The following SMARCA4 variants were observed in gnomAD, a reference collection of about 807,000 sequenced individuals.
SMARCA4 encodes SWI/SNF related BAF chromatin remodeling complex subunit ATPase 4, also known as SWI/SNF-related matrix-associated actin-dependent regulator of chromatin subfamily A member 4.
In SMARCA4, 31 loss-of-function variants were observed where a neutral mutation model predicts 193.9. The ratio of observed to expected loss-of-function variants is 0.16; its 90% CI spans 0.12 to 0.22. SMARCA4 has a LOEUF of 0.22. Ranked by LOEUF, SMARCA4 falls within the 10% of genes least tolerant of loss-of-function variation. The probability of loss-of-function intolerance (pLI) is 1.00; values close to 1 mark genes in which losing one functional copy is unlikely to be tolerated. For synonymous variants in SMARCA4, 942 were observed against 933.1 expected (o/e 1.01, Z -0.17); for missense variants, 1,148 against 2,296.0 (o/e 0.50, Z 10.22).
intron 30 of SMARCA4, chr19:11,047,450 T>A (rs1334532275): frequency 6.7e-6 from 1 of 149,278 alleles, no homozygotes; most frequent in African/African-American, 2.5e-5. Flanking sequence ...ACTCTGTCAC[T>A]CAGGCTGGAG....
chr19:10,995,450 G>C (rs1371802764), intron 9 of SMARCA4: 1 of 459,144 alleles, frequency 2.2e-6, no homozygotes, highest in African/African-American at 2.0e-5. Context: ...GGTTGTGCTT[G>C]AGGGGCAGAT....
intron 1 of SMARCA4, among the ~76,000 whole-genome samples, chr19:10,963,968 A>C (rs2084015565): frequency 6.6e-6 from 1 of 152,138 alleles, no homozygotes; most frequent in Non-Finnish European, 1.5e-5. Flanking sequence ...ATGCATAGTT[A>C]GGAAAGTAAT....
intron 1 of SMARCA4, among the ~76,000 whole-genome samples, chr19:10,977,417 G>A (rs2082235441): frequency 6.6e-6 from 1 of 151,112 alleles, no homozygotes; most frequent in African/African-American, 2.4e-5. Flanking sequence ...TCTGCCTCTC[G>A]GGTTCAATCA....
At chr19:11,024,301 G>GCTTTATGTGTC in intron 20 of SMARCA4, 30 bp from the exon 21 acceptor site, 1 of 1,520,014 alleles carries the variant, frequency 6.6e-7, no homozygotes, top group South Asian at 1.1e-5. Context: ...GCCACCTTGG[G>GCTTTATGTGTC]CCCTCGTGAG....
intron 34 of SMARCA4, among the ~76,000 whole-genome samples, chr19:11,061,006 T>C (rs1403275327): frequency 6.6e-6 from 1 of 151,886 alleles, no homozygotes; most frequent in Non-Finnish European, 1.5e-5. Context: ...GGGTGTTTTA[T>C]GGCCCATGCC....
chr19:11,012,739 G>A, intron 15 of SMARCA4: 1 of 620,556 alleles, frequency 1.6e-6, no homozygotes. Flanking sequence ...CAGTCATCCT[G>A]CAGCTTCACA....
At chr19:10,998,328 C>T (rs186468699) in intron 11 of SMARCA4, among the ~76,000 whole-genome samples, 34 of 152,208 alleles carry the variant, frequency 2.2e-4, no homozygotes, top group Admixed American at 1.4e-3. Flanking sequence ...GAGTGCATGG[C>T]GGAGGTTAGC....
chr19:11,062,005 A>C lies in SMARCA4; in HGVS notation c.*189A>C, dbSNP rs113562237. The C allele has an allele frequency of 4.6e-5, 30 of 646,466 alleles. No homozygotes were observed. In the African/African-American group the frequency reaches 5.2e-4, roughly 11 times the overall value. The allele number at this position is 646,466 out of a possible 1,614,324, so 40.0% of individuals were successfully genotyped here. Reference sequence around the variant, plus strand: ...TTGTGACTGGCCCTGTCCTGGCATCAGTAGCATCTGTAACAGCATTAACTG... The same window carrying C: ...TTGTGACTGGCCCTGTCCTGGCATCCGTAGCATCTGTAACAGCATTAACTG... On this transcript the variant is annotated 3_prime_UTR_variant, in exon 35 of 35. Coordinates refer to ENST00000344626, the MANE Select transcript of SMARCA4 (RefSeq NM_003072.5).
In SMARCA4 at chr19:10,985,487, G is replaced by A. The variant is rs2145756752; in HGVS notation, c.355+82G>A. The A allele has an allele frequency of 6.5e-7, 1 of 1,530,296 alleles. No individual in the cohort carries two copies. Among genetic ancestry groups the A allele is most frequent in the Admixed American group, 1.9e-5 (1 of 53,078 alleles). The allele number at this position is 1,530,296 out of a possible 1,614,324, so 94.8% of individuals were successfully genotyped here. A position where few individuals can be genotyped will look rare whatever the true frequency, so the allele number is the denominator to read the frequency against. On this transcript the variant is annotated intron_variant, in intron 3 of 34. Coordinates refer to ENST00000344626, the MANE Select transcript of SMARCA4 (RefSeq NM_003072.5). The surrounding 1 kb of genome is among the most constrained non-coding windows in gnomAD (Gnocchi z 4.5). ...CATTTTCCTCCCCTGGGTTCCCACA[G>A]GATGGATTCAGGGAGTACCTAGGAT... is the stretch of plus-strand genomic sequence containing the variant.
chr19:11,047,364 C>T (rs890108591), intron 30 of SMARCA4, among the ~76,000 whole-genome samples: 1 of 151,170 alleles, frequency 6.6e-6, no homozygotes, highest in Non-Finnish European at 1.5e-5. Context: ...TTCCCGGTGA[C>T]GTTGACACAG....
rs558796174 is a variant in SMARCA4, at chr19:10,984,524, C to T, written c.222+151C>T. The T allele has an allele frequency of 7.1e-5, 97 of 1,362,992 alleles. No homozygotes were observed. Among genetic ancestry groups the T allele is most frequent in the East Asian group, 5.8e-4 (23 of 39,936 alleles). 84.4% of individuals were successfully genotyped at this position (1,362,992 alleles called of 1,614,324 possible). On this transcript the variant is annotated intron_variant, in intron 2 of 34. Transcript: ENST00000344626. This position sits in a 1 kb window ranked among gnomAD's most constrained non-coding sequence, Gnocchi z 4.3. Reference sequence around the variant, plus strand: ...GCTCAGCCCCCTACCCCAGGGCCCACGGCCATGAACAGAAGGTTCAGCTCG... The same window carrying T: ...GCTCAGCCCCCTACCCCAGGGCCCATGGCCATGAACAGAAGGTTCAGCTCG...
chr19:11,039,386 A>G (rs2075443748), intron 29 of SMARCA4: 1 of 821,964 alleles, frequency 1.2e-6, no homozygotes. Flanking sequence ...AATGCCCAAG[A>G]ACAAGGGGAG....
chr19:10,992,391 G>A lies in SMARCA4; in HGVS notation c.1419+1068G>A, dbSNP rs138809448. Reference sequence around the variant, plus strand: ...CTTGGCCTCTCAAAGTGCTAAGATGGCAGGCGTAATCCCCCGTGCCTGGCC... The same window carrying A: ...CTTGGCCTCTCAAAGTGCTAAGATGACAGGCGTAATCCCCCGTGCCTGGCC... On this transcript the variant is annotated intron_variant, in intron 8 of 34. Coordinates refer to ENST00000344626, the MANE Select transcript of SMARCA4 (RefSeq NM_003072.5). 1.4e-3 allele frequency among the ~76,000 whole-genome samples: 209 copies of A among 150,788 alleles called. 1 individual carries two copies. The highest frequency in any genetic ancestry group is 0.01 in the Middle Eastern group (3 of 288).
intron 1 of SMARCA4, among the ~76,000 whole-genome samples, chr19:10,983,205 G>A (rs1050459751): frequency 4.6e-5 from 7 of 152,200 alleles, no homozygotes; most frequent in African/African-American, 1.7e-4. Flanking sequence ...TTGTCTCTGG[G>A]TGGTTGGAGG....
At position 11,034,926 on chromosome 19, in the gene SMARCA4, G is replaced by T; in HGVS notation, c.3964G>T (p.Asp1322Tyr). Residue 1322 changes from aspartate to tyrosine, a missense_variant, in exon 29 of 35, where the codon GAC becomes TAC. Coordinates refer to ENST00000344626, the MANE Select transcript of SMARCA4 (RefSeq NM_003072.5). The surrounding 1 kb of genome is among the most constrained non-coding windows in gnomAD (Gnocchi z 7.0). ...CCCTGCCCACCAGCGCATGGACCTG[G>T]ACCGCAGGCGCGAGGAGGCCCGCAA... ...EFDLFMRMDLDRRREEARNPK... is the reference protein window; with the variant it reads ...EFDLFMRMDLYRRREEARNPK... 1 of 1,568,288 alleles carries T rather than the reference G, an allele frequency of 6.4e-7. No homozygotes were observed. Among genetic ancestry groups the T allele is most frequent in the South Asian group, 1.2e-5 (1 of 85,550 alleles).
At chr19:10,997,839 C>T (rs1407571178) in intron 11 of SMARCA4, among the ~76,000 whole-genome samples, 1 of 152,156 alleles carries the variant, frequency 6.6e-6, no homozygotes, top group African/African-American at 2.4e-5. Context: ...CCATGTAATT[C>T]ATTATCTACT....
chr19:10,986,079 G>A lies in SMARCA4; in HGVS notation c.356-110G>A, dbSNP rs933541648. On this transcript the variant is annotated intron_variant, in intron 3 of 34. Transcript: ENST00000344626. The surrounding 1 kb of genome is among the most constrained non-coding windows in gnomAD (Gnocchi z 6.7). ...CCCCTGGTTGACTCAAGAGAAGGAT[G>A]CCATTTGGCTGTGCCCTGTCTCAGA... 5.4e-6 allele frequency: 5 copies of A among 932,396 alleles called. No individual in the cohort carries two copies. The African/African-American group carries it at 6.4e-5, about 12-fold the overall frequency. 57.8% of individuals were successfully genotyped at this position (932,396 alleles called of 1,614,324 possible).
chr19:11,002,945 G>A (rs2146090140), intron 11 of SMARCA4, 84 bp from the exon 12 acceptor site: 1 of 1,506,476 alleles, frequency 6.6e-7, no homozygotes, highest in South Asian at 1.1e-5. Context: ...AAACAGTTGA[G>A]TGGGTGCTTC....
Position 11,026,363 on chromosome 19 carries a change from C to A in SMARCA4, c.3215+17C>A, listed in dbSNP as rs762320861. ...TGTCCAAGGGTGAGAAGCTTCCCAA[C>A]TGGATGGGGTGGGCAGGTGGTCCAC... is the stretch of plus-strand genomic sequence containing the variant. On this transcript the variant is annotated intron_variant, in intron 23 of 34. Transcript: ENST00000344626. The A allele has an allele frequency of 2.1e-4, 338 of 1,610,224 alleles. No homozygotes were observed. Among genetic ancestry groups the A allele is most frequent in the Non-Finnish European group, 2.5e-4 (299 of 1,176,686 alleles).
Sources: allele counts gnomAD v4.1 joint callset (sites outside exome capture counted in the v4.1 genomes callset), GRCh38; gene constraint gnomAD v4.1.1; non-coding constraint Gnocchi (gnomAD v3.1); transcripts MANE v1.5; gene names NCBI Gene and HGNC (gene_info 2026-07-23, HGNC 2026-07-21).